The following WWP1 variants were observed in gnomAD, a reference collection of about 807,000 sequenced individuals.
The protein encoded by WWP1 is WW domain containing E3 ubiquitin protein ligase 1.
A neutral mutation model predicts 130.6 loss-of-function variants in WWP1; 49 were observed. That is an observed-to-expected ratio of 0.38 (90% CI 0.30 to 0.48). The LOEUF (loss-of-function observed/expected upper bound fraction) is 0.48. WWP1 is among the 20% of genes least tolerant of loss of function. The pLI is 0.99. For synonymous variants in WWP1, 332 were observed against 367.8 expected, an observed-to-expected ratio of 0.90 and a Z score of 1.11; for missense variants, 809 against 1,100.6, an observed-to-expected ratio of 0.74 and a Z score of 3.75.
At chr8:86,406,261 A>G (rs1463751663) in intron 8 of WWP1, among the ~76,000 whole-genome samples, 6 of 152,224 alleles carry the variant, frequency 3.9e-5, no homozygotes, top group African/African-American at 1.4e-4. Context: ...GTTAAATGAG[A>G]TAATCTAAAA....
chr8:86,452,640 T>C lies in WWP1; in HGVS notation c.2355T>C (p.Pro785=), dbSNP rs1014916893. 1 of 1,613,492 alleles carries C rather than the reference T, an allele frequency of 6.2e-7. No homozygotes were observed. The highest frequency in any genetic ancestry group is 1.3e-5 in the African/African-American group (1 of 75,032). ...AFLDGFNEVV[P]LQWLQYFDEK... ...TTGATGGTTTTAATGAAGTTGTTCCTCTTCAGTGGCTACAGTACTTCGATG... is the reference window on the plus strand; with the variant it reads ...TTGATGGTTTTAATGAAGTTGTTCCCCTTCAGTGGCTACAGTACTTCGATG... The change falls in exon 21 of 25, where the codon CCT becomes CCC. Residue 785 remains proline (P), a synonymous_variant. Coordinates refer to ENST00000517970, the MANE Select transcript of WWP1 (RefSeq NM_007013.4).
At chr8:86,456,749 T>G (rs1163018212) in intron 21 of WWP1, among the ~76,000 whole-genome samples, 4 of 151,988 alleles carry the variant, frequency 2.6e-5, no homozygotes, top group African/African-American at 9.7e-5. Context: ...ATTCATATAA[T>G]GGAATACTAT....
In WWP1 at chr8:86,398,346, A is replaced by G. The variant is rs1214935869; in HGVS notation, c.339A>G (p.Glu113=). 1 of 1,587,932 alleles carries G rather than the reference A, an allele frequency of 6.3e-7. No homozygotes were observed. Among genetic ancestry groups the G allele is most frequent in the Admixed American group, 1.8e-5 (1 of 56,872 alleles). Residue 113 remains glutamate, a synonymous_variant, in exon 6 of 25, where the codon GAA becomes GAG. Transcript: ENST00000517970. The part of the protein sequence containing the change: ...QALLIHNRKL[E]RVKEQLKLSL... ...TTAGAATATTCTTCTTTCTAGTGGA[A>G]AGAGTGAAAGAACAATTAAAACTTT...
chr8:86,399,480 T>G (rs117661544), intron 7 of WWP1, among the ~76,000 whole-genome samples: 131 of 152,356 alleles, frequency 8.6e-4, no homozygotes, highest in Non-Finnish European at 1.6e-3. Flanking sequence ...AATGGACTCA[T>G]TACCTTTGAA....
chr8:86,426,215 A>G (rs1809618025), intron 10 of WWP1, among the ~76,000 whole-genome samples: 1 of 152,250 alleles, frequency 6.6e-6, no homozygotes, highest in Non-Finnish European at 1.5e-5. Flanking sequence ...TCATCAAGTT[A>G]TAGTCATTCA....
rs1055621821 is a variant in WWP1, at chr8:86,423,546, G to A, written c.1062-1677G>A. Among the ~76,000 whole-genome samples the A allele has an allele frequency of 2.6e-5, 4 of 152,184 alleles. 1 individual carries two copies. Among genetic ancestry groups the A allele is most frequent in the Non-Finnish European group, 5.9e-5 (4 of 68,040 alleles). ...CAGAGAGCACAGGGTTGGGGGCAAGGTCATAGATCAACAGCATCCCAAGGC... is the reference window on the plus strand; with the variant it reads ...CAGAGAGCACAGGGTTGGGGGCAAGATCATAGATCAACAGCATCCCAAGGC... On this transcript the variant is annotated intron_variant, in intron 9 of 24. Transcript: ENST00000517970.
intron 20 of WWP1, 109 bp downstream of exon 20, chr8:86,448,622 C>A: frequency 9.8e-7 from 1 of 1,025,504 alleles, no homozygotes; most frequent in Non-Finnish European, 1.4e-6. Flanking sequence ...AAGTTCTTCT[C>A]ACCAGTACCA....
rs1310815754 is a variant in WWP1 at position 86,409,230 on chromosome 8, T to C, written c.725-2308T>C. ...TTATTCTTTTTCTTTTTCTTTCTTT[T>C]TTTTTTTTTTTTTTTTTTCTTCAGA... On this transcript the variant is annotated intron_variant, in intron 8 of 24. Transcript: ENST00000517970. Among the ~76,000 whole-genome samples, 778 of 135,938 alleles carry C rather than the reference T, an allele frequency of 5.7e-3. 1 individual carries two copies. Among genetic ancestry groups the C allele is most frequent in the African/African-American group, 0.02 (728 of 37,148 alleles). The allele number at this position is 135,938 out of a possible 152,430, so 89.2% of individuals were successfully genotyped here.
chr8:86,369,572 T>C (rs1205286497), intron 2 of WWP1, among the ~76,000 whole-genome samples: 2 of 152,140 alleles, frequency 1.3e-5, no homozygotes. Flanking sequence ...TGTTCCCCAG[T>C]TTGCACAGTA....
chr8:86,424,674 G>A (rs909723987), intron 9 of WWP1, among the ~76,000 whole-genome samples: 5 of 150,754 alleles, frequency 3.3e-5, no homozygotes, highest in South Asian at 2.1e-4. Context: ...GCATGGCGGC[G>A]CACGACTGCA....
chr8:86,378,745 T>C (rs1270067280), intron 3 of WWP1, among the ~76,000 whole-genome samples: 2 of 152,166 alleles, frequency 1.3e-5, no homozygotes, highest in Non-Finnish European at 2.9e-5. Context: ...CCCTCTAGTA[T>C]TGTTGAGTAT....
At chr8:86,415,419 A>G (rs1339599076) in intron 9 of WWP1, among the ~76,000 whole-genome samples, 3 of 152,110 alleles carry the variant, frequency 2.0e-5, no homozygotes, top group Non-Finnish European at 4.4e-5. Flanking sequence ...TCATCTCTTC[A>G]TCCATCTGAT....
chr8:86,415,082 G>A (rs1024038355), intron 9 of WWP1, among the ~76,000 whole-genome samples: 1 of 152,142 alleles, frequency 6.6e-6, no homozygotes, highest in African/African-American at 2.4e-5. Context: ...TTCCAGAACT[G>A]AAGAAGAATA....
intron 1 of WWP1, among the ~76,000 whole-genome samples, chr8:86,348,307 CT>C: frequency 1.3e-5 from 2 of 152,220 alleles, no homozygotes; most frequent in East Asian, 3.9e-4. Flanking sequence ...CAGCTTCCGC[CT>C]CCTGGGTTCA....
At chr8:86,360,703 A>G (rs1823541347) in intron 1 of WWP1, among the ~76,000 whole-genome samples, 1 of 152,234 alleles carries the variant, frequency 6.6e-6, no homozygotes, top group Non-Finnish European at 1.5e-5. Context: ...ATAGAATGGT[A>G]AATAAGATAG....
rs1177541970 is a variant in WWP1 at position 86,371,898 on chromosome 8, G to A, written c.-21-2132G>A. On this transcript the variant is annotated intron_variant, in intron 2 of 24. Transcript: ENST00000517970. ...GCTCTGTTGCCCAGGCTGGAGTGTA[G>A]TGACGTGACCTCAGCTCACTGCAGC... Among the ~76,000 whole-genome samples, 3 of 151,630 alleles carry A rather than the reference G, an allele frequency of 2.0e-5. No individual in the cohort carries two copies. The East Asian group carries it at 5.8e-4, about 29-fold the overall frequency.
At position 86,415,439 on chromosome 8, in the gene WWP1, A is replaced by G. The variant is rs558248531; in HGVS notation, c.1061+3565A>G. On this transcript the variant is annotated intron_variant, in intron 9 of 24. Transcript: ENST00000517970. Reference sequence around the variant, plus strand: ...TCTTCATCCATCTGATTTTTAGTGCATTTCAATGAGTTGCAGACATCAATA... The same window carrying G: ...TCTTCATCCATCTGATTTTTAGTGCGTTTCAATGAGTTGCAGACATCAATA... Among the ~76,000 whole-genome samples the G allele has an allele frequency of 2.8e-4, 43 of 152,256 alleles. 1 individual carries two copies. The South Asian group carries it at 8.5e-3, about 30-fold the overall frequency.
chr8:86,406,475 C>T (rs185218576), intron 8 of WWP1, among the ~76,000 whole-genome samples: 1 of 152,132 alleles, frequency 6.6e-6, no homozygotes, highest in African/African-American at 2.4e-5. Flanking sequence ...TTTCTTAGCT[C>T]TTTATTCTGA....
At chr8:86,430,798 C>CATATATATATATAT (rs36226595) in intron 12 of WWP1, 47 bp downstream of exon 12, 30 of 202,260 alleles carry the variant, frequency 1.5e-4, no homozygotes, top group African/African-American at 2.3e-4. Flanking sequence ...TATATCTCTC[C>CATATATATATATAT]ATATATATAT....
Sources: allele counts gnomAD v4.1 joint callset (sites outside exome capture counted in the v4.1 genomes callset), GRCh38; gene constraint gnomAD v4.1.1; transcripts MANE v1.5; gene names NCBI Gene and HGNC (gene_info 2026-07-23, HGNC 2026-07-21).